The following ANGPT1 variants were observed in gnomAD, a reference collection of about 807,000 sequenced individuals.
ANGPT1 encodes the protein angiopoietin-1.
ANGPT1 carries 17 observed loss-of-function variants against 62.2 expected under a neutral mutation model. The observed-to-expected ratio is 0.27, with a 90% CI of 0.19 to 0.41. The LOEUF (loss-of-function observed/expected upper bound fraction) is 0.41. Among genes scored for constraint, ANGPT1 ranks in the 10% least tolerant of loss-of-function variants. The pLI is 1.00. For missense variants in ANGPT1, 478 were observed against 594.9 expected (o/e 0.80, Z 2.04); for synonymous variants, 199 against 198.9 (o/e 1.00, Z 0.00).
chr8:107,366,503 T>C (rs1816276313), intron 1 of ANGPT1, among the ~76,000 whole-genome samples: 4 of 152,206 alleles, frequency 2.6e-5, no homozygotes, highest in Admixed American at 2.6e-4. Flanking sequence ...TTAAGATCAT[T>C]GTATATATGT....
intron 7 of ANGPT1, among the ~76,000 whole-genome samples, chr8:107,276,433 G>C (rs980507932): frequency 1.3e-5 from 2 of 151,866 alleles, no homozygotes; most frequent in African/African-American, 4.8e-5. Context: ...GTTCCATCCA[G>C]GACTATGTAG....
intron 1 of ANGPT1, among the ~76,000 whole-genome samples, chr8:107,381,086 C>T (rs1816627734): frequency 6.6e-6 from 1 of 152,180 alleles, no homozygotes; most frequent in South Asian, 2.1e-4. Flanking sequence ...ACTCCATCTC[C>T]TAGTGGGCAG....
chr8:107,253,088 T>C (rs1320097343), intron 8 of ANGPT1, among the ~76,000 whole-genome samples: 1 of 152,194 alleles, frequency 6.6e-6, no homozygotes, highest in Non-Finnish European at 1.5e-5. Flanking sequence ...AGAAGATGAG[T>C]ACAGCTGGCT....
intron 7 of ANGPT1, among the ~76,000 whole-genome samples, chr8:107,273,221 A>G (rs974045943): frequency 6.6e-6 from 1 of 152,144 alleles, no homozygotes; most frequent in Non-Finnish European, 1.5e-5. Context: ...TTTAAAGAGC[A>G]ATAAGAAACT....
At chr8:107,332,460 C>A (rs1270721161) in intron 3 of ANGPT1, among the ~76,000 whole-genome samples, 1 of 152,144 alleles carries the variant, frequency 6.6e-6, no homozygotes, top group East Asian at 1.9e-4. Context: ...GCAGAGCAAA[C>A]GTTGCTAATC....
intron 1 of ANGPT1, among the ~76,000 whole-genome samples, chr8:107,358,376 A>AT (rs5893848): frequency 4.7e-4 from 71 of 149,934 alleles, no homozygotes; most frequent in Middle Eastern, 3.5e-3. Flanking sequence ...TAAAATCCCT[A>AT]TTTTTTTTTT....
chr8:107,313,264 C>T (rs574936304), intron 4 of ANGPT1, among the ~76,000 whole-genome samples: 4 of 152,036 alleles, frequency 2.6e-5, no homozygotes, highest in Non-Finnish European at 4.4e-5. Flanking sequence ...TTGTAGGCTG[C>T]ATATTAATAT....
intron 7 of ANGPT1, among the ~76,000 whole-genome samples, chr8:107,267,782 C>T (rs916099056): frequency 1.3e-5 from 2 of 152,014 alleles, no homozygotes; most frequent in Non-Finnish European, 2.9e-5. Context: ...TTTCCCATGT[C>T]TCACCCACCC....
In ANGPT1 at chr8:107,430,623, A is replaced by G. The variant is rs200769611; in HGVS notation, c.297+66639T>C. On this transcript the variant is annotated intron_variant, in intron 1 of 8. Coordinates refer to ENST00000517746, the MANE Select transcript of ANGPT1 (RefSeq NM_001146.5). ...ATCCAGGTAAGCCCAATGGAATCAT[A>G]AAGTCCTTTATAAGAGAAAAGCAGG... 4.6e-5 allele frequency among the ~76,000 whole-genome samples: 7 copies of G among 152,324 alleles called. No homozygotes were observed. In the East Asian group the frequency reaches 1.4e-3, roughly 29 times the overall value.
At chr8:107,453,353 A>C (rs2130459312) in intron 1 of ANGPT1, among the ~76,000 whole-genome samples, 1 of 152,216 alleles carries the variant, frequency 6.6e-6, no homozygotes, top group Non-Finnish European at 1.5e-5. Context: ...GACAATTTAC[A>C]AAAGAAAGAG....
intron 4 of ANGPT1, among the ~76,000 whole-genome samples, chr8:107,317,276 T>C (rs115204029): frequency 2.8e-3 from 422 of 152,318 alleles, no homozygotes; most frequent in African/African-American, 9.8e-3. Context: ...TGGCACATTA[T>C]AGAAACTTAC....
At chr8:107,331,458 A>G (rs1311324275) in intron 3 of ANGPT1, among the ~76,000 whole-genome samples, 2 of 152,186 alleles carry the variant, frequency 1.3e-5, no homozygotes, top group Non-Finnish European at 2.9e-5. Flanking sequence ...TTGTTTTAAG[A>G]GAATAACTTG....
intron 8 of ANGPT1, 50 bp downstream of exon 8, chr8:107,264,171 A>C: frequency 6.4e-7 from 1 of 1,567,560 alleles, no homozygotes; most frequent in East Asian, 2.3e-5. Context: ...AGAAACCTTA[A>C]GCCCCAAACC....
At chr8:107,373,277 T>TTA (rs1586267380) in intron 1 of ANGPT1, among the ~76,000 whole-genome samples, 1 of 152,186 alleles carries the variant, frequency 6.6e-6, no homozygotes, top group African/African-American at 2.4e-5. Flanking sequence ...ATAGATTTTT[T>TTA]TTTTTTTGAA....
At chr8:107,294,232 A>C (rs1814355641) in intron 5 of ANGPT1, 195 bp from the exon 6 acceptor site, 1 of 420,960 alleles carries the variant, frequency 2.4e-6, no homozygotes, top group Non-Finnish European at 4.2e-6. Context: ...ATTTCTGATT[A>C]AATTCCATCA....
chr8:107,458,510 T>C (rs1235514986), intron 1 of ANGPT1, among the ~76,000 whole-genome samples: 2 of 151,916 alleles, frequency 1.3e-5, no homozygotes, highest in Non-Finnish European at 2.9e-5. Flanking sequence ...AAAGAAAAAA[T>C]AATTTAAAAT....
intron 1 of ANGPT1, among the ~76,000 whole-genome samples, chr8:107,435,843 C>T (rs1281430662): frequency 6.6e-6 from 1 of 152,088 alleles, no homozygotes; most frequent in Non-Finnish European, 1.5e-5. Flanking sequence ...AATCTAGTGC[C>T]AGACCCATTG....
chr8:107,421,499 G>GT (rs563645495), intron 1 of ANGPT1, among the ~76,000 whole-genome samples: 281 of 152,278 alleles, frequency 1.8e-3, no homozygotes, highest in Non-Finnish European at 3.2e-3. Flanking sequence ...CCAAAGCTAT[G>GT]TTTTATAAGA....
intron 3 of ANGPT1, among the ~76,000 whole-genome samples, chr8:107,332,260 G>C (rs190232830): frequency 6.6e-6 from 1 of 152,224 alleles, no homozygotes; most frequent in East Asian, 1.9e-4. Flanking sequence ...TTAGGTTCTT[G>C]GTTGTGTAAT....
Sources: gnomAD v4.1 joint callset for allele counts (sites outside exome capture counted in the v4.1 genomes callset) on GRCh38, gnomAD v4.1.1 for gene constraint, MANE v1.5 for transcripts, NCBI Gene and HGNC (gene_info 2026-07-23, HGNC 2026-07-21) for gene names.